The following LINGO2 variants were observed in gnomAD, a reference collection of about 807,000 sequenced individuals.
LINGO2 encodes leucine rich repeat and Ig domain containing 2.
Under a neutral mutation model 30.6 loss-of-function variants are expected in LINGO2, and 14 were observed. That is an observed-to-expected ratio of 0.46 (90% CI 0.30 to 0.72). The LOEUF (loss-of-function observed/expected upper bound fraction) is 0.72. Ranked by LOEUF, LINGO2 falls within the 30% of genes least tolerant of loss-of-function variation. The pLI is 0.07. For missense variants in LINGO2, 729 were observed against 751.7 expected (o/e 0.97, Z 0.35); for synonymous variants, 317 against 288.5 (o/e 1.10, Z -1.00).
chr9:28,414,898 T>C (rs1268558940), intron 2 of LINGO2, among the ~76,000 whole-genome samples: 2 of 152,092 alleles, frequency 1.3e-5, no homozygotes, highest in South Asian at 2.1e-4. Context: ...TTGTTTATTA[T>C]AGTAGAGCAC....
chr9:28,948,697 T>C, the LINGO2 span, among the ~76,000 whole-genome samples: 1 of 152,066 alleles, frequency 6.6e-6, no homozygotes, highest in Non-Finnish European at 1.5e-5. Context: ...TTCTACAAAA[T>C]AATGAAATAA....
In LINGO2 at chr9:28,442,046, T is replaced by C. The variant is rs183551825; in HGVS notation, c.-279+33894A>G. On this transcript the variant is annotated intron_variant, in intron 2 of 5. Transcript: ENST00000379992. ...AAGGGCAGTGTATTTGCAACGTATA[T>C]TTTCTATTTGATTTGTTTGAATTTT... Among the ~76,000 whole-genome samples the C allele has an allele frequency of 3.9e-3, 593 of 152,202 alleles. 3 individuals are homozygous for C. Among genetic ancestry groups the C allele is most frequent in the African/African-American group, 0.013 (553 of 41,560 alleles).
the LINGO2 span, among the ~76,000 whole-genome samples, chr9:29,173,187 C>T: frequency 3.3e-5 from 5 of 151,892 alleles, no homozygotes; most frequent in African/African-American, 4.8e-5. Flanking sequence ...GAAAATTGAA[C>T]CAAGATTGGA....
At chr9:28,374,320 C>G (rs913648138) in intron 2 of LINGO2, among the ~76,000 whole-genome samples, 1 of 150,838 alleles carries the variant, frequency 6.6e-6, no homozygotes, top group Admixed American at 6.6e-5. Context: ...GAAGAGGGAA[C>G]TTTTTTCCTT....
chr9:28,891,673 A>C, the LINGO2 span, among the ~76,000 whole-genome samples: 1 of 151,880 alleles, frequency 6.6e-6, no homozygotes, highest in Non-Finnish European at 1.5e-5. Flanking sequence ...TTGTACTTCT[A>C]TTAAGAGAAG....
intron 1 of LINGO2, among the ~76,000 whole-genome samples, chr9:28,569,762 TA>T (rs1287252920): frequency 6.6e-6 from 1 of 151,910 alleles, no homozygotes; most frequent in Non-Finnish European, 1.5e-5. Context: ...TAAAATTTAT[TA>T]AGAGTATATC....
chr9:28,744,639 T>TGTGTGTGTGTGTGTGTGTG, the LINGO2 span, among the ~76,000 whole-genome samples: 23 of 141,534 alleles, frequency 1.6e-4, no homozygotes, highest in South Asian at 4.4e-4. Context: ...TGTGTGTGTG[T>TGTGTGTGTGTGTGTGTGTG]ATTTTTTTTT....
rs1469251580 is a variant in LINGO2, at chr9:28,327,816, A to G, written c.-245-32450T>C. On this transcript the variant is annotated intron_variant, in intron 3 of 5. Transcript: ENST00000379992. ...TGTGAAAATCACTCATCAATAAAAA[A>G]AGTCATGTGATATATTCAATATTCT... 5.9e-5 allele frequency among the ~76,000 whole-genome samples: 9 copies of G among 152,308 alleles called. No homozygotes were observed. The South Asian group carries it at 1.5e-3, about 25-fold the overall frequency.
intron 2 of LINGO2, among the ~76,000 whole-genome samples, chr9:28,424,333 C>A (rs1823318912): frequency 6.6e-6 from 1 of 152,090 alleles, no homozygotes; most frequent in Admixed American, 6.6e-5. Context: ...TGGTTTGCTG[C>A]CACCATATGA....
At chr9:28,543,652 G>T (rs1821804062) in intron 1 of LINGO2, among the ~76,000 whole-genome samples, 1 of 151,982 alleles carries the variant, frequency 6.6e-6, no homozygotes, top group South Asian at 2.1e-4. Context: ...TATTTAGTGT[G>T]GGTCTACATG....
At chr9:28,552,001 GA>G (rs1217413100) in intron 1 of LINGO2, among the ~76,000 whole-genome samples, 5 of 151,626 alleles carry the variant, frequency 3.3e-5, no homozygotes, top group Non-Finnish European at 7.4e-5. Flanking sequence ...TTTATTGTAC[GA>G]TTTTTAAATT....
At chr9:29,031,251 G>A in the LINGO2 span, among the ~76,000 whole-genome samples, 1 of 151,580 alleles carries the variant, frequency 6.6e-6, no homozygotes, top group Non-Finnish European at 1.5e-5. Context: ...ACAAAGTGGT[G>A]GTGGTGGTGG....
intron 4 of LINGO2, among the ~76,000 whole-genome samples, chr9:28,063,968 T>C (rs948357510): frequency 1.3e-5 from 2 of 152,100 alleles, no homozygotes; most frequent in African/African-American, 2.4e-5. Flanking sequence ...CCTCAATACA[T>C]AATATTATCT....
the LINGO2 span, among the ~76,000 whole-genome samples, chr9:29,028,376 T>C: frequency 1.5e-5 from 2 of 137,836 alleles, no homozygotes; most frequent in Non-Finnish European, 3.0e-5. Context: ...GTCATAAAAC[T>C]ATCCATGTAG....
At chr9:27,974,206 G>A (rs540583918) in intron 5 of LINGO2, among the ~76,000 whole-genome samples, 2 of 152,158 alleles carry the variant, frequency 1.3e-5, no homozygotes, top group South Asian at 4.2e-4. Flanking sequence ...GAGAGGATGA[G>A]GATTACATGC....
the LINGO2 span, among the ~76,000 whole-genome samples, chr9:29,019,621 AAC>A: frequency 6.6e-6 from 1 of 152,158 alleles, no homozygotes; most frequent in African/African-American, 2.4e-5. Context: ...CTTATTCAGG[AAC>A]AGATACCATG....
At chr9:28,245,753 T>C (rs1821974338) in intron 4 of LINGO2, among the ~76,000 whole-genome samples, 1 of 152,102 alleles carries the variant, frequency 6.6e-6, no homozygotes, top group Admixed American at 6.5e-5. Context: ...GGAGAAACTC[T>C]TCAAGGAGAA....
At chr9:28,241,426 G>T (rs758331080) in intron 4 of LINGO2, among the ~76,000 whole-genome samples, 2 of 152,096 alleles carry the variant, frequency 1.3e-5, no homozygotes, top group African/African-American at 2.4e-5. Flanking sequence ...AGGTATCAGG[G>T]TTCTGTCATT....
At chr9:29,044,343 A>T in the LINGO2 span, among the ~76,000 whole-genome samples, 1 of 152,164 alleles carries the variant, frequency 6.6e-6, no homozygotes, top group South Asian at 2.1e-4. Flanking sequence ...TAATTATTTT[A>T]TGATTTTGTA....
Sources: allele counts gnomAD v4.1 joint callset (sites outside exome capture counted in the v4.1 genomes callset), GRCh38; gene constraint gnomAD v4.1.1; transcripts MANE v1.5; gene names NCBI Gene and HGNC (gene_info 2026-07-23, HGNC 2026-07-21).